The following RHOQ variants were observed in gnomAD, a reference collection of about 807,000 sequenced individuals.
The protein encoded by RHOQ is rho-related GTP-binding protein RhoQ.
RHOQ carries 7 observed loss-of-function variants against 25.8 expected under a neutral mutation model. That is an observed-to-expected ratio of 0.27 (90% confidence interval 0.15 to 0.51). RHOQ has a LOEUF of 0.51. Among genes scored for constraint, RHOQ ranks in the 20% least tolerant of loss-of-function variants. The probability of loss-of-function intolerance (pLI) is 0.97; values close to 1 mark genes in which losing one functional copy is unlikely to be tolerated. For missense variants in RHOQ, 165 were observed against 260.6 expected, an observed-to-expected ratio of 0.63 and a Z score of 2.53; for synonymous variants, 97 against 98.6, an observed-to-expected ratio of 0.98 and a Z score of 0.10.
rs1008454054 is a variant in RHOQ, at chr2:46,555,874, A to G, written c.201+12062A>G. ...CCTCCTGTTGTCTGAACAAGCTAGT[A>G]TGGAAGTAGCATCTAGGCAAGCTGG... On this transcript the variant is annotated intron_variant, in intron 2 of 4. Transcript: ENST00000238738. The surrounding 1 kb of genome is among the most constrained non-coding windows in gnomAD (Gnocchi z 4.3). Among the ~76,000 whole-genome samples the G allele has an allele frequency of 3.9e-5, 6 of 152,204 alleles. No individual in the cohort carries two copies. The highest frequency in any genetic ancestry group is 1.4e-4 in the African/African-American group (6 of 41,448).
intron 2 of RHOQ, among the ~76,000 whole-genome samples, chr2:46,544,519 A>G (rs1457663836): frequency 6.6e-6 from 1 of 152,200 alleles, no homozygotes. Flanking sequence ...CAGAAAGAAG[A>G]TGCACACTTT....
At chr2:46,564,775 G>A (rs1668680599) in intron 2 of RHOQ, among the ~76,000 whole-genome samples, 1 of 152,236 alleles carries the variant, frequency 6.6e-6, no homozygotes, top group African/African-American at 2.4e-5. Flanking sequence ...TTCAGCCTCT[G>A]TAGGCCAAGT....
In RHOQ at chr2:46,566,717, T is replaced by G. The variant is rs964218068; in HGVS notation, c.202-9370T>G. Among the ~76,000 whole-genome samples the G allele has an allele frequency of 8.5e-5, 13 of 152,198 alleles. No homozygotes were observed. Among genetic ancestry groups the G allele is most frequent in the Non-Finnish European group, 1.6e-4 (11 of 68,024 alleles). On this transcript the variant is annotated intron_variant, in intron 2 of 4. Coordinates refer to ENST00000238738, the MANE Select transcript of RHOQ (RefSeq NM_012249.4). This position sits in a 1 kb window ranked among gnomAD's most constrained non-coding sequence, Gnocchi z 4.2. ...TCCCTCTCCAGCCCCACCTGTCACC[T>G]GGCCTTTCCCTGTGGTCTTCAGTAT... is the stretch of plus-strand genomic sequence containing the variant.
chr2:46,543,907 G>A, intron 2 of RHOQ, 95 bp downstream of exon 2: 1 of 1,030,888 alleles, frequency 9.7e-7, no homozygotes, highest in Non-Finnish European at 1.5e-6. Flanking sequence ...CTAGGTGGGA[G>A]GGTGTGTCTG....
chr2:46,566,508 C>T lies in RHOQ; in HGVS notation c.202-9579C>T, dbSNP rs1398637800. On this transcript the variant is annotated intron_variant, in intron 2 of 4. Coordinates refer to ENST00000238738, the MANE Select transcript of RHOQ (RefSeq NM_012249.4). The surrounding 1 kb of genome is among the most constrained non-coding windows in gnomAD (Gnocchi z 4.2). Reference sequence around the variant, plus strand: ...ACTGCTGTCCCTTAGTCTAAGCTTCCATCTTCTCTCAGCTGAATTACTATA... The same window carrying T: ...ACTGCTGTCCCTTAGTCTAAGCTTCTATCTTCTCTCAGCTGAATTACTATA... Among the ~76,000 whole-genome samples, 1 of 152,138 alleles carries T rather than the reference C, an allele frequency of 6.6e-6. No homozygotes were observed. The highest frequency in any genetic ancestry group is 1.5e-5 in the Non-Finnish European group (1 of 68,030).
rs1668404426 is a variant in RHOQ at position 46,556,139 on chromosome 2, C to T, written c.201+12327C>T. On this transcript the variant is annotated intron_variant, in intron 2 of 4. Transcript: ENST00000238738. This position sits in a 1 kb window ranked among gnomAD's most constrained non-coding sequence, Gnocchi z 4.9. ...ATGGATTTACCTATTCTGGACATTT[C>T]ATATTAATGGAATCCTGCAATGTTT... is the stretch of plus-strand genomic sequence containing the variant. Among the ~76,000 whole-genome samples, 1 of 152,152 alleles carries T rather than the reference C, an allele frequency of 6.6e-6. No homozygotes were observed. Among genetic ancestry groups the T allele is most frequent in the South Asian group, 2.1e-4 (1 of 4,806 alleles).
At chr2:46,564,728 A>G (rs1230013160) in intron 2 of RHOQ, among the ~76,000 whole-genome samples, 1 of 152,200 alleles carries the variant, frequency 6.6e-6, no homozygotes, top group Non-Finnish European at 1.5e-5. Flanking sequence ...TTTGTCTATT[A>G]AAAGGATGTG....
chr2:46,552,021 C>G lies in RHOQ; in HGVS notation c.201+8209C>G, dbSNP rs910700179. Among the ~76,000 whole-genome samples, 1 of 152,186 alleles carries G rather than the reference C, an allele frequency of 6.6e-6. No individual in the cohort carries two copies. Among genetic ancestry groups the G allele is most frequent in the East Asian group, 1.9e-4 (1 of 5,200 alleles). On this transcript the variant is annotated intron_variant, in intron 2 of 4. Transcript: ENST00000238738. This position sits in a 1 kb window ranked among gnomAD's most constrained non-coding sequence, Gnocchi z 5.0. ...AAGCCCTGGGTTCTTGATGTTAAGT[C>G]ACTCTCCCTAATCATCTGGCCCATG...
At chr2:46,577,069 C>G (rs2104031839) in intron 4 of RHOQ, 1 of 154,124 alleles carries the variant, frequency 6.5e-6, no homozygotes, top group Admixed American at 6.5e-5. Context: ...TCAGCTCTGT[C>G]TTAAGACTCA....
chr2:46,558,858 T>A (rs930795776), intron 2 of RHOQ, among the ~76,000 whole-genome samples: 1 of 152,218 alleles, frequency 6.6e-6, no homozygotes, highest in Non-Finnish European at 1.5e-5. Flanking sequence ...ATCTACCCCT[T>A]CTATTCTGTT....
At chr2:46,568,676 C>T (rs1668812338) in intron 2 of RHOQ, 1 of 152,196 alleles carries the variant, frequency 6.6e-6, no homozygotes, top group African/African-American at 2.4e-5. Context: ...TAAATGCTAG[C>T]AGAGTTTCCC....
At chr2:46,578,084 G>A (rs1214750371) in intron 4 of RHOQ, among the ~76,000 whole-genome samples, 1 of 152,034 alleles carries the variant, frequency 6.6e-6, no homozygotes, top group Non-Finnish European at 1.5e-5. Context: ...AGAAAAATGG[G>A]CTAACAATGA....
intron 2 of RHOQ, among the ~76,000 whole-genome samples, chr2:46,564,302 C>G (rs1260033041): frequency 6.6e-6 from 1 of 152,182 alleles, no homozygotes; most frequent in African/African-American, 2.4e-5. Flanking sequence ...GAGATCCTGT[C>G]TCCTGTCTCT....
intron 2 of RHOQ, among the ~76,000 whole-genome samples, chr2:46,574,752 C>T (rs914356591): frequency 1.3e-5 from 2 of 152,098 alleles, no homozygotes; most frequent in African/African-American, 4.8e-5. Context: ...GGGTTTGGGA[C>T]ATTAACATGC....
chr2:46,543,027 G>A lies in RHOQ; in HGVS notation c.-20G>A, dbSNP rs1558677823. The A allele has an allele frequency of 6.4e-7, 1 of 1,561,430 alleles. No individual in the cohort carries two copies. The highest frequency in any genetic ancestry group is 8.6e-7 in the Non-Finnish European group (1 of 1,156,908). On this transcript the variant is annotated 5_prime_UTR_variant, in exon 1 of 5. Coordinates refer to ENST00000238738, the MANE Select transcript of RHOQ (RefSeq NM_012249.4). ...CGGGGGCTCCGGGGGGACCATGCCCGGAGGCCGGCCGGCAGCAGCATGGCT... is the reference window on the plus strand; with the variant it reads ...CGGGGGCTCCGGGGGGACCATGCCCAGAGGCCGGCCGGCAGCAGCATGGCT...
Position 46,548,600 on chromosome 2 carries a change from C to T in RHOQ, c.201+4788C>T, listed in dbSNP as rs540644790. 6.6e-6 allele frequency among the ~76,000 whole-genome samples: 1 copy of T among 152,300 alleles called. No individual in the cohort carries two copies. Among genetic ancestry groups the T allele is most frequent in the East Asian group, 1.9e-4 (1 of 5,178 alleles). On this transcript the variant is annotated intron_variant, in intron 2 of 4. Coordinates refer to ENST00000238738, the MANE Select transcript of RHOQ (RefSeq NM_012249.4). This position sits in a 1 kb window ranked among gnomAD's most constrained non-coding sequence, Gnocchi z 5.2. ...CATTAGTAGGGTTTAGGAAATGCCACTCACAACATCAGACTCTGGGTCCTT... is the reference window on the plus strand; with the variant it reads ...CATTAGTAGGGTTTAGGAAATGCCATTCACAACATCAGACTCTGGGTCCTT...
At chr2:46,547,898 T>C (rs1427278343) in intron 2 of RHOQ, among the ~76,000 whole-genome samples, 1 of 152,190 alleles carries the variant, frequency 6.6e-6, no homozygotes, top group African/African-American at 2.4e-5. Flanking sequence ...GGCAAGCTGC[T>C]CTCTAGCTGT....
At chr2:46,551,446 G>T (rs1468249310) in intron 2 of RHOQ, among the ~76,000 whole-genome samples, 1 of 152,166 alleles carries the variant, frequency 6.6e-6, no homozygotes, top group Non-Finnish European at 1.5e-5. Context: ...ATTCTGAGTG[G>T]GAAGAATAGT....
intron 2 of RHOQ, among the ~76,000 whole-genome samples, chr2:46,547,340 A>G (rs72800543): frequency 0.022 from 3,423 of 152,348 alleles, 55 homozygotes; most frequent in Non-Finnish European, 0.036. Flanking sequence ...TCCGACTGAC[A>G]TATTAGGGCA....
Sources: allele counts gnomAD v4.1 joint callset (sites outside exome capture counted in the v4.1 genomes callset), GRCh38; gene constraint gnomAD v4.1.1; non-coding constraint Gnocchi (gnomAD v3.1); transcripts MANE v1.5; gene names NCBI Gene and HGNC (gene_info 2026-07-23, HGNC 2026-07-21).